The following ANK2 variants were observed in gnomAD, a reference collection of about 807,000 sequenced individuals.
ANK2 encodes ankyrin 2.
Under a neutral mutation model 360.5 loss-of-function variants are expected in ANK2, and 83 were observed. The ratio of observed to expected loss-of-function variants is 0.23; its 90% CI spans 0.19 to 0.28. The LOEUF is 0.28. Among genes scored for constraint, ANK2 ranks in the 10% least tolerant of loss-of-function variants. ANK2 has a pLI of 1.00. For synonymous variants in ANK2, 1,740 were observed against 1,759.5 expected, an observed-to-expected ratio of 0.99 and a Z score of 0.28; for missense variants, 4,201 against 4,795.7, an observed-to-expected ratio of 0.88 and a Z score of 3.66.
intron 1 of ANK2, among the ~76,000 whole-genome samples, chr4:113,059,275 CT>C (rs1317092002): frequency 1.3e-5 from 2 of 152,078 alleles, no homozygotes; most frequent in African/African-American, 2.4e-5. Context: ...GCCTGGCATG[CT>C]TAAATAGTAT....
intron 4 of ANK2, among the ~76,000 whole-genome samples, chr4:113,215,419 A>G (rs1023695249): frequency 1.3e-5 from 2 of 152,176 alleles, no homozygotes; most frequent in Non-Finnish European, 2.9e-5. Flanking sequence ...ATCATTAGAT[A>G]TATTTGTATT....
chr4:112,911,878 T>C (rs750279399), intron 2 of ANK2, among the ~76,000 whole-genome samples: 101 of 152,298 alleles, frequency 6.6e-4, no homozygotes, highest in South Asian at 6.2e-4. Flanking sequence ...TCTTCTTTGT[T>C]GTTAAGAAAC....
chr4:113,252,411 G>A (rs1317031102), intron 10 of ANK2, among the ~76,000 whole-genome samples: 1 of 152,152 alleles, frequency 6.6e-6, no homozygotes, highest in Non-Finnish European at 1.5e-5. Context: ...TTCTTCTGAA[G>A]CAACTATCTA....
At chr4:113,332,769 G>A (rs905460511) in intron 28 of ANK2, among the ~76,000 whole-genome samples, 1 of 152,206 alleles carries the variant, frequency 6.6e-6, no homozygotes, top group African/African-American at 2.4e-5. Flanking sequence ...TTGGTTAAAT[G>A]TGTTCTACTT....
At chr4:112,964,537 C>T (rs1179008694) in intron 2 of ANK2, among the ~76,000 whole-genome samples, 1 of 150,508 alleles carries the variant, frequency 6.6e-6, no homozygotes, top group Non-Finnish European at 1.5e-5. Context: ...CGTAGTACTC[C>T]TTTTTGTATA....
the ANK2 span, among the ~76,000 whole-genome samples, chr4:112,776,764 G>A: frequency 6.6e-6 from 1 of 152,160 alleles, no homozygotes; most frequent in Admixed American, 6.5e-5. Flanking sequence ...ATATTAAGTA[G>A]GCATCTATCA....
intron 2 of ANK2, among the ~76,000 whole-genome samples, chr4:112,982,011 A>G (rs1241961034): frequency 2.0e-5 from 3 of 152,212 alleles, no homozygotes; most frequent in African/African-American, 2.4e-5. Flanking sequence ...ATTTTGACAC[A>G]GAGAACAGCA....
At chr4:113,320,297 A>T (rs1200345614) in intron 26 of ANK2, among the ~76,000 whole-genome samples, 6 of 152,318 alleles carry the variant, frequency 3.9e-5, no homozygotes, top group Middle Eastern at 3.4e-3. Context: ...TCAAGCATTT[A>T]ATACTGACTC....
the ANK2 span, among the ~76,000 whole-genome samples, chr4:112,807,520 T>G: frequency 2.0e-5 from 3 of 152,176 alleles, no homozygotes; most frequent in East Asian, 5.8e-4. Context: ...TTTATCCATG[T>G]TTTTAGAAAG....
At chr4:112,923,245 A>C (rs967845012) in intron 2 of ANK2, among the ~76,000 whole-genome samples, 1 of 152,176 alleles carries the variant, frequency 6.6e-6, no homozygotes, top group Non-Finnish European at 1.5e-5. Context: ...GCTCTAAGGG[A>C]TAAAATTGAA....
intron 2 of ANK2, among the ~76,000 whole-genome samples, chr4:113,004,725 T>C (rs571790256): frequency 9.2e-5 from 14 of 152,306 alleles, no homozygotes; most frequent in Admixed American, 2.6e-4. Flanking sequence ...CTGTACCTAA[T>C]TGTATATGCT....
rs527573146 is a variant in ANK2 at position 113,292,526 on chromosome 4, G to A, written c.2376+12G>A. The A allele has an allele frequency of 1.9e-6, 3 of 1,593,322 alleles. No homozygotes were observed. Among genetic ancestry groups the A allele is most frequent in the African/African-American group, 2.7e-5 (2 of 74,470 alleles). On this transcript the variant is annotated intron_variant, in intron 21 of 45. Coordinates refer to ENST00000357077, the MANE Select transcript of ANK2 (RefSeq NM_001148.6). ...ACGCCACCACTGCGGTAAGGCAGAC[G>A]CCACTGCCCCTCACCACGCTTTCTT...
intron 1 of ANK2, among the ~76,000 whole-genome samples, chr4:113,110,039 G>A (rs920042715): frequency 6.6e-6 from 1 of 152,160 alleles, no homozygotes; most frequent in Admixed American, 6.6e-5. Context: ...TGGTCATGCT[G>A]TTATTAGTCC....
intron 10 of ANK2, among the ~76,000 whole-genome samples, chr4:113,252,396 A>T (rs1239913511): frequency 6.6e-6 from 1 of 152,140 alleles, no homozygotes; most frequent in Non-Finnish European, 1.5e-5. Flanking sequence ...TAAATCACCC[A>T]TTCTTTCTTC....
At chr4:113,045,100 T>TCAAG (rs2063937179), upstream of ANK2, among the ~76,000 whole-genome samples, 1 of 152,174 alleles carries the variant, frequency 6.6e-6, no homozygotes, top group South Asian at 2.1e-4. Context: ...CTGTAAGACA[T>TCAAG]CAAGGCTTTA....
chr4:113,207,363 C>A (rs187667812), intron 4 of ANK2, among the ~76,000 whole-genome samples: 38 of 152,266 alleles, frequency 2.5e-4, no homozygotes, highest in Non-Finnish European at 1.0e-4. Context: ...CTACACAGGC[C>A]TATCCAAGTC....
intron 1 of ANK2, among the ~76,000 whole-genome samples, chr4:112,890,388 G>T (rs116319645): frequency 1.7e-4 from 26 of 152,192 alleles, no homozygotes; most frequent in African/African-American, 6.3e-4. Context: ...TCTGCTACTT[G>T]AACCTACATG....
chr4:112,874,855 G>A (rs1178689206), intron 1 of ANK2, among the ~76,000 whole-genome samples: 5 of 152,026 alleles, frequency 3.3e-5, no homozygotes, highest in East Asian at 1.9e-4. Flanking sequence ...TTGCATCCCC[G>A]GGGCGTAGAG....
chr4:112,780,198 A>G, the ANK2 span, among the ~76,000 whole-genome samples: 1 of 152,124 alleles, frequency 6.6e-6, no homozygotes, highest in African/African-American at 2.4e-5. Context: ...AAAAAAAAAA[A>G]AAAGAAGTCA....
Sources: allele counts gnomAD v4.1 joint callset (sites outside exome capture counted in the v4.1 genomes callset), GRCh38; gene constraint gnomAD v4.1.1; transcripts MANE v1.5; gene names NCBI Gene and HGNC (gene_info 2026-07-23, HGNC 2026-07-21).